GRID2: variants seen among roughly 807,000 people sequenced by gnomAD.
GRID2 encodes the protein glutamate receptor ionotropic, delta-2.
In GRID2, 33 loss-of-function variants were observed where a neutral mutation model predicts 114.8. The ratio of observed to expected loss-of-function variants is 0.29; its 90% CI spans 0.22 to 0.38. The LOEUF (loss-of-function observed/expected upper bound fraction) is 0.38, where lower values mean the gene tolerates loss of function less well. GRID2 is among the 10% of genes least tolerant of loss of function. The pLI, the probability that GRID2 is intolerant of heterozygous loss-of-function variation, is 1.00. For synonymous variants in GRID2, 505 were observed against 449.9 expected (o/e 1.12, Z -1.55); for missense variants, 1,184 against 1,257.7 (o/e 0.94, Z 0.89).
chr4:93,242,417 A>C (rs939391990), intron 8 of GRID2, among the ~76,000 whole-genome samples: 2 of 152,074 alleles, frequency 1.3e-5, no homozygotes, highest in East Asian at 1.9e-4. Flanking sequence ...AGACTGAATA[A>C]ATTTAAATTA....
At chr4:92,325,991 A>G (rs574929964) in intron 1 of GRID2, among the ~76,000 whole-genome samples, 1 of 151,958 alleles carries the variant, frequency 6.6e-6, no homozygotes, top group Non-Finnish European at 1.5e-5. Context: ...GTTTTCTCCC[A>G]TGTTTATGTA....
chr4:93,522,643 G>A (rs555576797), intron 13 of GRID2, among the ~76,000 whole-genome samples: 4 of 152,264 alleles, frequency 2.6e-5, no homozygotes, highest in Non-Finnish European at 5.9e-5. Flanking sequence ...CAAGGGAATT[G>A]AGGATATGAA....
chr4:92,822,122 T>G (rs1741325849), intron 2 of GRID2: 1 of 333,884 alleles, frequency 3.0e-6, no homozygotes, highest in Non-Finnish European at 5.9e-6. Context: ...CTTGCTTAAT[T>G]TCTATGGTGG....
At chr4:92,750,161 C>T (rs966087024) in intron 2 of GRID2, among the ~76,000 whole-genome samples, 2 of 152,098 alleles carry the variant, frequency 1.3e-5, no homozygotes, top group Non-Finnish European at 2.9e-5. Context: ...GCACCTGGCC[C>T]GGGCGCCTCA....
intron 2 of GRID2, among the ~76,000 whole-genome samples, chr4:92,878,140 G>A (rs951749689): frequency 4.6e-5 from 7 of 152,104 alleles, no homozygotes; most frequent in Non-Finnish European, 1.0e-4. Context: ...GAAGCAGTTA[G>A]ATATCTACTT....
chr4:93,016,518 C>G (rs906441469), intron 2 of GRID2, among the ~76,000 whole-genome samples: 22 of 152,154 alleles, frequency 1.4e-4, no homozygotes, highest in Non-Finnish European at 1.5e-5. Context: ...AATCCATGTA[C>G]TTTACTCCAT....
intron 12 of GRID2, among the ~76,000 whole-genome samples, chr4:93,510,813 G>C (rs1729090655): frequency 6.6e-6 from 1 of 152,070 alleles, no homozygotes; most frequent in South Asian, 2.1e-4. Context: ...GTAGAAACCT[G>C]ATCAAATACT....
At chr4:92,654,722 G>T (rs182293751) in intron 2 of GRID2, among the ~76,000 whole-genome samples, 9 of 151,532 alleles carry the variant, frequency 5.9e-5, no homozygotes, top group Admixed American at 3.9e-4. Flanking sequence ...ATTGCTATTT[G>T]TGTCTTTTGC....
chr4:93,360,805 C>G lies in GRID2; in HGVS notation c.1246-34802C>G, dbSNP rs1761815094. On this transcript the variant is annotated intron_variant, in intron 8 of 15. Coordinates refer to ENST00000282020, the MANE Select transcript of GRID2 (RefSeq NM_001510.4). Reference sequence around the variant, plus strand: ...ATATACTTAATTTTTCACCTGTTATCAGTTATAGATGATTAGTGCCATTTT... The same window carrying G: ...ATATACTTAATTTTTCACCTGTTATGAGTTATAGATGATTAGTGCCATTTT... Among the ~76,000 whole-genome samples, 6 of 151,830 alleles carry G rather than the reference C, an allele frequency of 4.0e-5. No homozygotes were observed. The South Asian group carries it at 1.2e-3, about 32-fold the overall frequency.
intron 1 of GRID2, among the ~76,000 whole-genome samples, chr4:92,411,655 G>GTGTGTATATATATATATATATATA: frequency 1.2e-3 from 98 of 84,648 alleles, no homozygotes; most frequent in African/African-American, 3.5e-3. Context: ...GTGTGTGTGT[G>GTGTGTATATATATATATATATATA]TATATATATA....
rs145900336 is a variant in GRID2, at chr4:93,416,509, C to G, written c.1348-6262C>G. Among the ~76,000 whole-genome samples, 448 of 152,092 alleles carry G rather than the reference C, an allele frequency of 2.9e-3. 2 individuals are homozygous for G. Among genetic ancestry groups the G allele is most frequent in the Non-Finnish European group, 4.4e-3 (297 of 67,912 alleles). ...TATAAAGAATTTCCAGTGACTCATT[C>G]TTAGTTTTGGCCTTCCTGGCATTCT... is the stretch of plus-strand genomic sequence containing the variant. On this transcript the variant is annotated intron_variant, in intron 9 of 15. Transcript: ENST00000282020.
intron 8 of GRID2, among the ~76,000 whole-genome samples, chr4:93,285,510 A>G (rs1275269816): frequency 6.6e-6 from 1 of 152,048 alleles, no homozygotes; most frequent in African/African-American, 2.4e-5. Context: ...GTCCTATTTG[A>G]CATGTTAGAA....
intron 1 of GRID2, among the ~76,000 whole-genome samples, chr4:92,433,210 G>A (rs369136193): frequency 1.7e-4 from 26 of 152,250 alleles, no homozygotes; most frequent in East Asian, 1.6e-3. Flanking sequence ...TACTGCATGG[G>A]GTTGGGGGAG....
At chr4:92,365,366 A>G (rs1728805325) in intron 1 of GRID2, among the ~76,000 whole-genome samples, 1 of 152,072 alleles carries the variant, frequency 6.6e-6, no homozygotes, top group East Asian at 1.9e-4. Flanking sequence ...ATGCTAAGTG[A>G]AATAAGTCAG....
chr4:92,309,075 G>A (rs1230412900), intron 1 of GRID2, among the ~76,000 whole-genome samples: 2 of 151,892 alleles, frequency 1.3e-5, no homozygotes, highest in African/African-American at 4.8e-5. Context: ...TCTACGCCAG[G>A]TGAAATGTAC....
intron 13 of GRID2, among the ~76,000 whole-genome samples, chr4:93,608,128 A>G (rs1336219546): frequency 2.7e-5 from 4 of 149,634 alleles, no homozygotes; most frequent in African/African-American, 9.7e-5. Flanking sequence ...ATATGTGTAT[A>G]TATATACGTC....
rs1744867798 is a variant in GRID2, at chr4:92,866,429, TTGTCCCATGCCTAGGAAATAAGTG to T, written c.245-218564_245-218541del. 2.0e-5 allele frequency among the ~76,000 whole-genome samples: 3 copies of T among 152,214 alleles called. No individual in the cohort carries two copies. In the South Asian group the frequency reaches 6.2e-4, roughly 32 times the overall value. On this transcript the variant is annotated intron_variant, in intron 2 of 15. Coordinates refer to ENST00000282020, the MANE Select transcript of GRID2 (RefSeq NM_001510.4). ...TATTCACTTTTGTGCCTTCTTTGCC[TTGTCCCATGCCTAGGAAATAAGTG>T]TCCAATTGGTGTCAGCAGACTGAGT...
chr4:93,251,630 A>C (rs1260058313), intron 8 of GRID2, among the ~76,000 whole-genome samples: 1 of 152,128 alleles, frequency 6.6e-6, no homozygotes, highest in African/African-American at 2.4e-5. Flanking sequence ...AGTATCCATT[A>C]GTTATTTTTC....
intron 1 of GRID2, among the ~76,000 whole-genome samples, chr4:92,323,375 A>G (rs1726421549): frequency 6.6e-6 from 1 of 152,090 alleles, no homozygotes. Context: ...ATACCATGTT[A>G]TCTAATTTAT....
Sources: allele counts gnomAD v4.1 joint callset (sites outside exome capture counted in the v4.1 genomes callset), GRCh38; gene constraint gnomAD v4.1.1; transcripts MANE v1.5; gene names NCBI Gene and HGNC (gene_info 2026-07-23, HGNC 2026-07-21).